Variants in EIF3A observed in about 807,000 individuals in gnomAD.
EIF3A encodes eukaryotic translation initiation factor 3 subunit A, also known as EIF3, p180 subunit.
A neutral mutation model predicts 186.6 loss-of-function variants in EIF3A; 21 were observed. The observed-to-expected ratio is 0.11, with a 90% confidence interval of 0.08 to 0.16. EIF3A has a LOEUF of 0.16. Among genes scored for constraint, EIF3A ranks in the 10% least tolerant of loss-of-function variants. The pLI is 1.00. For synonymous variants in EIF3A, 563 were observed against 584.3 expected, an observed-to-expected ratio of 0.96 and a Z score of 0.52; for missense variants, 1,306 against 1,796.3, an observed-to-expected ratio of 0.73 and a Z score of 4.93.
chr10:119,073,796 C>T lies in EIF3A; in HGVS notation c.191G>A (p.Ser64Asn). Residue 64 changes from serine (S) to asparagine (N), a missense_variant, in exon 2 of 22, where the codon AGC becomes AAC. By Grantham distance (46) the Ser-to-Asn change is conservative. Coordinates refer to ENST00000369144, the MANE Select transcript of EIF3A (RefSeq NM_003750.4). ...YLELCVDLRK[S>N]HLAKEGLYQY... ...GTATAACCCCTCCTTTGCCAAGTGG[C>T]TCTTGCGAAGATCCACGCAAAGTTC... The T allele has an allele frequency of 6.2e-7, 1 of 1,613,730 alleles. No individual in the cohort carries two copies. Among genetic ancestry groups the T allele is most frequent in the Non-Finnish European group, 8.5e-7 (1 of 1,179,834 alleles).
At position 119,060,788 on chromosome 10, in the gene EIF3A, C is replaced by G; in HGVS notation, c.1284G>C (p.Val428=). The part of the protein sequence containing the change: ...PEKEPELQQY[V]PQLQNNTILR... ...GGATGGTGTTGTTTTGCAGTTGTGGCACATACTGCTGCAATTCCGGTTCCT... is the reference window on the plus strand; with the variant it reads ...GGATGGTGTTGTTTTGCAGTTGTGGGACATACTGCTGCAATTCCGGTTCCT... Residue 428 remains valine (V), a synonymous_variant, in exon 9 of 22, where the codon GTG becomes GTC. Coordinates refer to ENST00000369144, the MANE Select transcript of EIF3A (RefSeq NM_003750.4). 1 of 1,612,394 alleles carries G rather than the reference C, an allele frequency of 6.2e-7. No homozygotes were observed. The highest frequency in any genetic ancestry group is 1.7e-5 in the Admixed American group (1 of 59,734).
Position 119,037,677 on chromosome 10 carries a change from ATT to A in EIF3A, c.3729-370_3729-369del, listed in dbSNP as rs1169509432. The stretch of plus-strand genomic sequence containing the variant: ...ATTGCATCGAACACTGCTGGTCTAC[ATT>A]TGTCAGTACAAGGACACTTTGGCAG... On this transcript the variant is annotated intron_variant, in intron 20 of 21. Coordinates refer to ENST00000369144, the MANE Select transcript of EIF3A (RefSeq NM_003750.4). Among the ~76,000 whole-genome samples, 9 of 152,266 alleles carry A rather than the reference ATT, an allele frequency of 5.9e-5. No homozygotes were observed. The East Asian group carries it at 1.7e-3, about 29-fold the overall frequency.
chr10:119,037,996 A>C (rs1020491068), intron 20 of EIF3A, among the ~76,000 whole-genome samples: 1 of 136,244 alleles, frequency 7.3e-6, no homozygotes, highest in Non-Finnish European at 1.5e-5. Flanking sequence ...GGCTCACCAC[A>C]ACCTCTGCCT....
chr10:119,054,122 T>A (rs752300886), intron 14 of EIF3A, among the ~76,000 whole-genome samples: 3 of 152,092 alleles, frequency 2.0e-5, no homozygotes, highest in Non-Finnish European at 2.9e-5. Flanking sequence ...GTTCTTGCCA[T>A]GTTGGCCAGG....
intron 18 of EIF3A, among the ~76,000 whole-genome samples, chr10:119,043,509 G>C (rs1191816910): frequency 2.0e-5 from 3 of 151,704 alleles, no homozygotes; most frequent in Non-Finnish European, 4.4e-5. Context: ...AGCTACTCAG[G>C]AGGCTGAGGC....
At chr10:119,036,295 ATTAAG>A (rs1291590239) in intron 21 of EIF3A, 27 bp from the exon 22 acceptor site, 2 of 1,472,148 alleles carry the variant, frequency 1.4e-6, no homozygotes, top group Non-Finnish European at 9.3e-7. Context: ...AAAAAAAAAA[ATTAAG>A]TTAGTACTAT....
rs957072116 is a variant in EIF3A, at chr10:119,069,665, G to A, written c.742-11C>T. On this transcript the variant is annotated splice_polypyrimidine_tract_variant and intron_variant, in intron 5 of 21. Coordinates refer to ENST00000369144, the MANE Select transcript of EIF3A (RefSeq NM_003750.4). ...AGCTTTGAATGCTTCCTAAAATTAGGAGTATAAATTAAAGTCATTGCATTC... is the reference window on the plus strand; with the variant it reads ...AGCTTTGAATGCTTCCTAAAATTAGAAGTATAAATTAAAGTCATTGCATTC... 2 of 1,428,758 alleles carry A rather than the reference G, an allele frequency of 1.4e-6. No individual in the cohort carries two copies. Among genetic ancestry groups the A allele is most frequent in the African/African-American group, 2.8e-5 (2 of 71,210 alleles). 88.5% of individuals were successfully genotyped at this position (1,428,758 alleles called of 1,614,324 possible). A position where few individuals can be genotyped will look rare whatever the true frequency, so the allele number is the denominator to read the frequency against.
chr10:119,064,379 T>C (rs1025680887), intron 7 of EIF3A, among the ~76,000 whole-genome samples: 1 of 152,180 alleles, frequency 6.6e-6, no homozygotes, highest in Non-Finnish European at 1.5e-5. Flanking sequence ...TCAACTGTAA[T>C]CTCCAGTGTT....
chr10:119,044,232 TATA>T (rs913098612), intron 17 of EIF3A, 90 bp from the exon 18 acceptor site: 7 of 888,128 alleles, frequency 7.9e-6, no homozygotes, highest in African/African-American at 6.8e-5. Flanking sequence ...TTTTTGTACT[TATA>T]ACAATATGAA....
At chr10:119,037,396 G>C in intron 20 of EIF3A, 87 bp from the exon 21 acceptor site, 1 of 1,206,592 alleles carries the variant, frequency 8.3e-7, no homozygotes. Context: ...CTGGGGCTTA[G>C]AGTTTACAAA....
intron 19 of EIF3A, among the ~76,000 whole-genome samples, chr10:119,038,728 A>G (rs1848169247): frequency 6.6e-6 from 1 of 152,184 alleles, no homozygotes; most frequent in South Asian, 2.1e-4. Flanking sequence ...ATTCGAGACC[A>G]GCCTGGCCAA....
In EIF3A at chr10:119,037,252, T is replaced by G. The variant is rs201333628; in HGVS notation, c.3786A>C (p.Ser1262=). 7.4e-6 allele frequency: 12 copies of G among 1,614,090 alleles called. No homozygotes were observed. In the East Asian group the frequency reaches 2.5e-4, roughly 33 times the overall value. ...CCCTATCCCTATCGTCCCGGCGACTTGAGTCTCTCCAGCTTGAAGATTCCT... is the reference window on the plus strand; with the variant it reads ...CCCTATCCCTATCGTCCCGGCGACTGGAGTCTCTCCAGCTTGAAGATTCCT... ...PAEESSSWRD[S]SRRDDRDRDD... is the part of the protein sequence containing the mutation. The change falls in exon 21 of 22, where the codon TCA becomes TCC. Residue 1262 remains serine (S), a synonymous_variant. Coordinates refer to ENST00000369144, the MANE Select transcript of EIF3A (RefSeq NM_003750.4).
In EIF3A at chr10:119,042,891, A is replaced by C. The variant is rs1589685597; in HGVS notation, c.2748-119T>G. 9.6e-7 allele frequency: 1 copy of C among 1,046,160 alleles called. No individual in the cohort carries two copies. 64.8% of individuals were successfully genotyped at this position (1,046,160 alleles called of 1,614,324 possible). On this transcript the variant is annotated intron_variant, in intron 18 of 21. Transcript: ENST00000369144. The surrounding 1 kb of genome is among the most constrained non-coding windows in gnomAD (Gnocchi z 7.8). ...AGTATGGGCCGGAGCAGTGGCTCGC[A>C]CCTTTAATCCCAGCACTCTGGGAAG...
rs1397194867 is a variant in EIF3A, at chr10:119,048,181, A to G, written c.2658+1620T>C. On this transcript the variant is annotated intron_variant, in intron 17 of 21. Coordinates refer to ENST00000369144, the MANE Select transcript of EIF3A (RefSeq NM_003750.4). ...CCAACCAATGAAAGGTCTGAAATCC[A>G]ACAGCAGGCACAGTGATCAAACATG... 2.9e-5 allele frequency among the ~76,000 whole-genome samples: 4 copies of G among 138,252 alleles called. No homozygotes were observed. In the South Asian group the frequency reaches 6.3e-4, roughly 22 times the overall value. 90.7% of individuals were successfully genotyped at this position (138,252 alleles called of 152,430 possible).
At chr10:119,067,795 G>A (rs1844004594) in intron 6 of EIF3A, among the ~76,000 whole-genome samples, 1 of 152,120 alleles carries the variant, frequency 6.6e-6, no homozygotes, top group South Asian at 2.1e-4. Context: ...GGTGGTATGT[G>A]TGTTGCCTAA....
intron 14 of EIF3A, among the ~76,000 whole-genome samples, chr10:119,053,636 C>T (rs886443341): frequency 6.6e-6 from 1 of 150,822 alleles, no homozygotes; most frequent in Non-Finnish European, 1.5e-5. Flanking sequence ...GAAGTGGGCA[C>T]TTGAGCCCAG....
At chr10:119,053,594 G>A (rs1156435810) in intron 14 of EIF3A, among the ~76,000 whole-genome samples, 1 of 149,390 alleles carries the variant, frequency 6.7e-6, no homozygotes, top group African/African-American at 2.5e-5. Flanking sequence ...GCATGGTGGT[G>A]CATGCCTGTG....
intron 3 of EIF3A, 96 bp downstream of exon 3, chr10:119,073,343 TTC>T (rs1387878987): frequency 1.2e-5 from 12 of 961,370 alleles, no homozygotes; most frequent in Non-Finnish European, 1.7e-5. Flanking sequence ...TTGCATTTTT[TTC>T]TGATAAACAT....
At chr10:119,060,381 T>C (rs1843865929) in intron 9 of EIF3A, among the ~76,000 whole-genome samples, 2 of 151,904 alleles carry the variant, frequency 1.3e-5, no homozygotes, top group South Asian at 2.1e-4. Flanking sequence ...TATGCAAAGA[T>C]ACATGTATGA....
Sources: allele counts gnomAD v4.1 joint callset (sites outside exome capture counted in the v4.1 genomes callset), GRCh38; gene constraint gnomAD v4.1.1; non-coding constraint Gnocchi (gnomAD v3.1); transcripts MANE v1.5; gene names NCBI Gene and HGNC (gene_info 2026-07-23, HGNC 2026-07-21).